The following ROBO1 variants were observed in gnomAD, a reference collection of about 807,000 sequenced individuals.
ROBO1 encodes roundabout homolog 1.
Under a neutral mutation model 195.9 loss-of-function variants are expected in ROBO1, and 149 were observed. The observed-to-expected ratio is 0.76, with a 90% CI of 0.67 to 0.87. ROBO1 has a LOEUF of 0.87. ROBO1 is among the 40% of genes least tolerant of loss of function. The pLI is 0.00. For missense variants in ROBO1, 1,933 were observed against 2,068.3 expected (o/e 0.93, Z 1.27); for synonymous variants, 816 against 733.2 (o/e 1.11, Z -1.82).
At chr3:79,680,848 G>T (rs1946924958) in intron 1 of ROBO1, among the ~76,000 whole-genome samples, 2 of 152,030 alleles carry the variant, frequency 1.3e-5, no homozygotes, top group Middle Eastern at 3.4e-3. Context: ...GGAGGTGGGG[G>T]GTCAAAGAAT....
chr3:79,288,201 A>G (rs1005806024), intron 2 of ROBO1, among the ~76,000 whole-genome samples: 7 of 152,170 alleles, frequency 4.6e-5, no homozygotes, highest in African/African-American at 1.7e-4. Flanking sequence ...GAAAGGTTTA[A>G]AAGTCCTGAA....
chr3:78,760,718 G>A (rs114931871), intron 4 of ROBO1, among the ~76,000 whole-genome samples: 7,143 of 152,056 alleles, frequency 0.047, 557 homozygotes, highest in African/African-American at 0.16. Flanking sequence ...CATGGCTCAC[G>A]GCAACATCAA....
At chr3:78,847,515 C>T (rs1471542148) in intron 4 of ROBO1, among the ~76,000 whole-genome samples, 1 of 151,980 alleles carries the variant, frequency 6.6e-6, no homozygotes, top group Non-Finnish European at 1.5e-5. Flanking sequence ...GAAGCTATGC[C>T]AAAATATCTG....
chr3:78,809,509 T>G (rs1314735040), intron 4 of ROBO1, among the ~76,000 whole-genome samples: 1 of 152,202 alleles, frequency 6.6e-6, no homozygotes, highest in Admixed American at 6.5e-5. Flanking sequence ...CAAAGGATTA[T>G]AAATCATTCT....
intron 4 of ROBO1, among the ~76,000 whole-genome samples, chr3:78,780,043 G>A (rs1174098676): frequency 6.6e-6 from 1 of 152,088 alleles, no homozygotes; most frequent in Non-Finnish European, 1.5e-5. Context: ...CTCACAAGGG[G>A]GAGTTTTACA....
chr3:79,485,083 A>G (rs1939088471), intron 2 of ROBO1, among the ~76,000 whole-genome samples: 1 of 151,962 alleles, frequency 6.6e-6, no homozygotes, highest in African/African-American at 2.4e-5. Flanking sequence ...AGACTCTGAA[A>G]TCTTTCAGGG....
chr3:79,562,674 C>T (rs1294677427), intron 2 of ROBO1, among the ~76,000 whole-genome samples: 1 of 151,996 alleles, frequency 6.6e-6, no homozygotes, highest in Non-Finnish European at 1.5e-5. Flanking sequence ...AGTACATAGT[C>T]ATAAAATCAA....
intron 2 of ROBO1, among the ~76,000 whole-genome samples, chr3:79,392,286 A>T (rs2036982959): frequency 6.6e-6 from 1 of 152,196 alleles, no homozygotes; most frequent in Non-Finnish European, 1.5e-5. Context: ...AGTCGAGAAA[A>T]CATTTTGTGT....
rs575963795 is a variant in ROBO1 at position 79,533,960 on chromosome 3, T to C, written c.88+55864A>G. Among the ~76,000 whole-genome samples, 4 of 152,116 alleles carry C rather than the reference T, an allele frequency of 2.6e-5. No homozygotes were observed. In the South Asian group the frequency reaches 8.3e-4, roughly 32 times the overall value. On this transcript the variant is annotated intron_variant, in intron 2 of 30. Coordinates refer to ENST00000464233, the MANE Select transcript of ROBO1 (RefSeq NM_002941.4). Reference sequence around the variant, plus strand: ...ATTAAGCTTATTAATCAGCTGAATCTATTATAGGGAAATTGTCCTGGATAA... The same window carrying C: ...ATTAAGCTTATTAATCAGCTGAATCCATTATAGGGAAATTGTCCTGGATAA...
At chr3:79,116,821 T>G (rs1220375546) in intron 3 of ROBO1, among the ~76,000 whole-genome samples, 1 of 152,046 alleles carries the variant, frequency 6.6e-6, no homozygotes, top group Non-Finnish European at 1.5e-5. Flanking sequence ...TCGGGCCAAT[T>G]TAAATTACCT....
In ROBO1 at chr3:78,898,113, T is replaced by C. The variant is rs138019508; in HGVS notation, c.499+40488A>G. The stretch of plus-strand genomic sequence containing the variant: ...CCAAATTTAAATATATATATTTAAT[T>C]TAAAACATATATTTTAAGTTCTAAA... On this transcript the variant is annotated intron_variant, in intron 4 of 30. Transcript: ENST00000464233. Among the ~76,000 whole-genome samples, 619 of 149,968 alleles carry C rather than the reference T, an allele frequency of 4.1e-3. 5 individuals carry two copies. The highest frequency in any genetic ancestry group is 0.015 in the African/African-American group (598 of 41,146).
chr3:79,289,416 A>G (rs2032097226), intron 2 of ROBO1, among the ~76,000 whole-genome samples: 1 of 152,142 alleles, frequency 6.6e-6, no homozygotes, highest in Non-Finnish European at 1.5e-5. Flanking sequence ...GAGGTTTGAA[A>G]TTAGACTTGC....
intron 2 of ROBO1, among the ~76,000 whole-genome samples, chr3:79,140,674 A>G (rs1444718494): frequency 1.3e-5 from 2 of 152,194 alleles, no homozygotes; most frequent in Non-Finnish European, 2.9e-5. Context: ...GCCTCCTGCA[A>G]TGAGAAAACA....
At chr3:79,497,595 T>G (rs1939821532) in intron 2 of ROBO1, among the ~76,000 whole-genome samples, 1 of 152,112 alleles carries the variant, frequency 6.6e-6, no homozygotes, top group Non-Finnish European at 1.5e-5. Context: ...TGCTAAATAT[T>G]AAGTAAATGA....
chr3:79,575,326 A>G (rs1332255400), intron 2 of ROBO1, among the ~76,000 whole-genome samples: 8 of 126,974 alleles, frequency 6.3e-5, no homozygotes, highest in African/African-American at 2.4e-4. Flanking sequence ...TATAACATAT[A>G]TATAAATATA....
intron 2 of ROBO1, among the ~76,000 whole-genome samples, chr3:79,521,206 T>C (rs1032407911): frequency 6.6e-5 from 10 of 152,182 alleles, no homozygotes; most frequent in Admixed American, 5.9e-4. Context: ...CTATAAAGAT[T>C]ATTTTTTCCC....
At chr3:79,673,122 A>T (rs185453758) in intron 1 of ROBO1, among the ~76,000 whole-genome samples, 3 of 152,106 alleles carry the variant, frequency 2.0e-5, no homozygotes, top group Non-Finnish European at 4.4e-5. Context: ...TTACATAAAG[A>T]AATAAAGGAT....
At chr3:78,991,222 G>T (rs868143337) in intron 3 of ROBO1, among the ~76,000 whole-genome samples, 2 of 152,062 alleles carry the variant, frequency 1.3e-5, no homozygotes, top group African/African-American at 4.8e-5. Context: ...AAAACAATTG[G>T]GGTAGGAAGA....
chr3:78,976,209 C>T (rs1265589701), intron 3 of ROBO1, among the ~76,000 whole-genome samples: 1 of 152,180 alleles, frequency 6.6e-6, no homozygotes, highest in Non-Finnish European at 1.5e-5. Flanking sequence ...TGAGAAATAA[C>T]AGTGGCAAGA....
Sources: gnomAD v4.1 joint callset for allele counts (sites outside exome capture counted in the v4.1 genomes callset) on GRCh38, gnomAD v4.1.1 for gene constraint, MANE v1.5 for transcripts, NCBI Gene and HGNC (gene_info 2026-07-23, HGNC 2026-07-21) for gene names.